The following PARVB variants were observed in gnomAD, a reference collection of about 807,000 sequenced individuals.
PARVB encodes beta-parvin.
PARVB carries 46 observed loss-of-function variants against 47.0 expected under a neutral mutation model. That is an observed-to-expected ratio of 0.98 (90% CI 0.77 to 1.25). The LOEUF (loss-of-function observed/expected upper bound fraction) is 1.25, where lower values mean the gene tolerates loss of function less well. PARVB is among the 50% of genes most tolerant of loss of function. The pLI is 0.00. For synonymous variants in PARVB, 196 were observed against 196.3 expected, an observed-to-expected ratio of 1.00 and a Z score of 0.01; for missense variants, 473 against 471.6, an observed-to-expected ratio of 1.00 and a Z score of -0.03.
chr22:44,168,101 GGCACTGA>G (rs1569168967), intron 12 of PARVB: 11 of 162,734 alleles, frequency 6.8e-5, no homozygotes, highest in Non-Finnish European at 9.5e-5. Flanking sequence ...TACAGATGAA[GGCACTGA>G]GCCCCAAATC....
intron 2 of PARVB, among the ~76,000 whole-genome samples, chr22:44,017,471 A>G (rs1303091819): frequency 6.6e-6 from 1 of 152,212 alleles, no homozygotes; most frequent in Non-Finnish European, 1.5e-5. Flanking sequence ...CCAGTAACGC[A>G]AAGCCCAAGA....
intron 1 of PARVB, among the ~76,000 whole-genome samples, chr22:44,069,492 T>C (rs1229608836): frequency 1.3e-5 from 2 of 152,112 alleles, no homozygotes; most frequent in Admixed American, 6.6e-5. Flanking sequence ...TTCTTTTTCA[T>C]AGGGGTACCT....
At chr22:44,094,522 C>T (rs1357991439) in intron 2 of PARVB, among the ~76,000 whole-genome samples, 2 of 145,964 alleles carry the variant, frequency 1.4e-5, no homozygotes, top group Non-Finnish European at 3.1e-5. Context: ...TAGAGTCTCA[C>T]TCTGTTACCC....
Position 44,154,939 on chromosome 22 carries a change from A to ATGTG in PARVB, c.844-3028_844-3025dup, listed in dbSNP as rs71188433. Among the ~76,000 whole-genome samples the ATGTG allele has an allele frequency of 2.1e-3, 216 of 102,464 alleles. 2 individuals are homozygous for ATGTG. Among genetic ancestry groups the ATGTG allele is most frequent in the Non-Finnish European group, 2.9e-3 (154 of 52,378 alleles). The allele number at this position is 102,464 out of a possible 152,430, so 67.2% of individuals were successfully genotyped here. On this transcript the variant is annotated intron_variant, in intron 10 of 12. Coordinates refer to ENST00000338758, the MANE Select transcript of PARVB (RefSeq NM_013327.5). ...TGGTTTATGCAGTCTGTGTGGTGTG[A>ATGTG]TGTGTGTGTGTGTGTGTGGTTTTTG...
In PARVB at chr22:44,065,539, T is replaced by C. The variant is rs139174371; in HGVS notation, c.113-28389T>C. On this transcript the variant is annotated intron_variant, in intron 1 of 12. Transcript: ENST00000338758. ...TGTTTGGTGACATGAATAAGCTCTT[T>C]AGTGGTGATTTGTGAGATTTTGGTG... 2.4e-3 allele frequency among the ~76,000 whole-genome samples: 366 copies of C among 152,272 alleles called. 2 individuals are homozygous for C. The highest frequency in any genetic ancestry group is 8.5e-3 in the African/African-American group (355 of 41,552).
At chr22:44,110,315 C>T (rs937459124) in intron 3 of PARVB, 6 of 151,986 alleles carry the variant, frequency 3.9e-5, no homozygotes, top group African/African-American at 9.7e-5. Flanking sequence ...CTGCATGCTC[C>T]GAAGAAGACT....
chr22:44,075,006 C>T (rs1000844692), intron 1 of PARVB, among the ~76,000 whole-genome samples: 8 of 152,274 alleles, frequency 5.3e-5, no homozygotes, highest in African/African-American at 1.7e-4. Context: ...CTGAGCATTG[C>T]GGGGTGTTGA....
chr22:44,058,522 C>T (rs760164860), intron 1 of PARVB, among the ~76,000 whole-genome samples: 88 of 151,620 alleles, frequency 5.8e-4, no homozygotes, highest in Non-Finnish European at 1.0e-3. Context: ...GCACATTCTC[C>T]AGTTGTCCAA....
intron 1 of PARVB, among the ~76,000 whole-genome samples, chr22:44,058,549 A>ATTTTTTTTTTTTTTTTTTTTTTTTT: frequency 1.0e-5 from 1 of 96,018 alleles, no homozygotes; most frequent in Non-Finnish European, 2.0e-5. Context: ...GTGGACGTGG[A>ATTTTTTTTTTTTTTTTTTTTTTTTT]TTTTTTTTTT....
intron 1 of PARVB, among the ~76,000 whole-genome samples, chr22:44,025,933 G>C (rs573564732): frequency 6.6e-6 from 1 of 152,328 alleles, no homozygotes; most frequent in East Asian, 1.9e-4. Flanking sequence ...TTCGTGGAAC[G>C]GGGAATGAAT....
intron 4 of PARVB, among the ~76,000 whole-genome samples, chr22:44,124,669 C>T (rs556177972): frequency 3.3e-5 from 5 of 149,730 alleles, no homozygotes; most frequent in African/African-American, 7.6e-5. Flanking sequence ...AGGGTCTCCC[C>T]GTGGGCCGTC....
chr22:44,064,399 C>T (rs562482458), intron 1 of PARVB, among the ~76,000 whole-genome samples: 10 of 152,216 alleles, frequency 6.6e-5, no homozygotes, highest in East Asian at 1.9e-4. Flanking sequence ...TGTGGACTCG[C>T]GTTTGTTGAA....
At chr22:44,011,831 C>T (rs550441130) in intron 2 of PARVB, among the ~76,000 whole-genome samples, 1 of 152,192 alleles carries the variant, frequency 6.6e-6, no homozygotes, top group Admixed American at 6.5e-5. Context: ...TCTCCCCTAC[C>T]CCCGTCATCA....
chr22:44,068,467 C>T lies in PARVB; in HGVS notation c.113-25461C>T, dbSNP rs1214010562. On this transcript the variant is annotated intron_variant, in intron 1 of 12. Transcript: ENST00000338758. This position sits in a 1 kb window ranked among gnomAD's most constrained non-coding sequence, Gnocchi z 4.1. ...TCCTACTTCTCCCCTCATTCAAGGACCTTCCTTTGGGGAAGTGAGTGCTCC... is the reference window on the plus strand; with the variant it reads ...TCCTACTTCTCCCCTCATTCAAGGATCTTCCTTTGGGGAAGTGAGTGCTCC... Among the ~76,000 whole-genome samples the T allele has an allele frequency of 6.6e-6, 1 of 152,212 alleles. No individual in the cohort carries two copies. Among genetic ancestry groups the T allele is most frequent in the Non-Finnish European group, 1.5e-5 (1 of 68,044 alleles).
At chr22:44,048,836 A>G (rs950068777) in intron 1 of PARVB, among the ~76,000 whole-genome samples, 19 of 152,176 alleles carry the variant, frequency 1.2e-4, no homozygotes, top group African/African-American at 4.6e-4. Context: ...CTGGGATTAC[A>G]GGCATGAGCC....
chr22:44,000,125 A>G (rs1445195148), intron 2 of PARVB, among the ~76,000 whole-genome samples: 1 of 152,158 alleles, frequency 6.6e-6, no homozygotes, highest in Non-Finnish European at 1.5e-5. Flanking sequence ...TCTTCTACCA[A>G]AGGAGAAGAT....
intron 1 of PARVB, among the ~76,000 whole-genome samples, chr22:44,088,416 C>T (rs896681521): frequency 6.6e-6 from 1 of 152,090 alleles, no homozygotes; most frequent in Non-Finnish European, 1.5e-5. Flanking sequence ...TCTGGGGCTT[C>T]ACATCTAACA....
chr22:44,085,989 T>C (rs914537002), intron 1 of PARVB, among the ~76,000 whole-genome samples: 4 of 152,228 alleles, frequency 2.6e-5, no homozygotes, highest in Non-Finnish European at 4.4e-5. Flanking sequence ...TCTCAACTTA[T>C]TTCATCTTGA....
upstream of PARVB, among the ~76,000 whole-genome samples, chr22:44,023,500 G>A (rs140449642): frequency 5.4e-3 from 798 of 146,604 alleles, 8 homozygotes; most frequent in African/African-American, 0.019. Context: ...AACAAAGCAA[G>A]ACTACGTCTA....
Sources: allele counts gnomAD v4.1 joint callset (sites outside exome capture counted in the v4.1 genomes callset), GRCh38; gene constraint gnomAD v4.1.1; non-coding constraint Gnocchi (gnomAD v3.1); transcripts MANE v1.5; gene names NCBI Gene and HGNC (gene_info 2026-07-23, HGNC 2026-07-21).